Variants in ZC3H12B observed in about 807,000 individuals in gnomAD.
ZC3H12B encodes the protein zinc finger CCCH-type containing 12B.
ZC3H12B carries 7 observed loss-of-function variants against 43.9 expected under a neutral mutation model. That is an observed-to-expected ratio of 0.16 (90% CI 0.09 to 0.30). The LOEUF (loss-of-function observed/expected upper bound fraction) is 0.30. ZC3H12B is among the 10% of genes least tolerant of loss of function. The probability of loss-of-function intolerance (pLI) is 1.00; values close to 1 mark genes in which losing one functional copy is unlikely to be tolerated. For synonymous variants in ZC3H12B, 222 were observed against 241.7 expected, an observed-to-expected ratio of 0.92 and a Z score of 0.76; for missense variants, 475 against 670.2, an observed-to-expected ratio of 0.71 and a Z score of 3.22.
In ZC3H12B at chrX:65,426,139, C is replaced by T. The variant is rs759215376; in HGVS notation, n.407+27435C>T. 4.7e-5 allele frequency among the ~76,000 whole-genome samples: 5 copies of T among 106,066 alleles called. 1 individual carries two copies. The highest frequency in any genetic ancestry group is 1.7e-4 in the African/African-American group (5 of 29,096). 92.1% of individuals were successfully genotyped at this position (106,066 alleles called of 115,157 possible). A position where few individuals can be genotyped will look rare whatever the true frequency, so the allele number is the denominator to read the frequency against. On this transcript the variant is annotated intron_variant and non_coding_transcript_variant, in intron 3 of 5. Coordinates refer to the ZC3H12B transcript ENST00000617377. ...ATTTATTATTGCCTCAATTTCAGAACTCATTATTGGTCTGTTCTGGGATTC... is the reference window on the plus strand; with the variant it reads ...ATTTATTATTGCCTCAATTTCAGAATTCATTATTGGTCTGTTCTGGGATTC...
intron 3 of ZC3H12B, among the ~76,000 whole-genome samples, chrX:65,427,214 C>A (rs911863030): frequency 1.8e-5 from 2 of 111,394 alleles, no homozygotes; most frequent in Non-Finnish European, 3.8e-5. Context: ...TTATGTAATG[C>A]CCTTCTTTGT....
the ZC3H12B span, among the ~76,000 whole-genome samples, chrX:65,258,023 C>T: frequency 1.8e-5 from 2 of 111,414 alleles, no homozygotes; most frequent in East Asian, 5.6e-4. Context: ...GAAACTCCTC[C>T]CTAACTCATT....
chrX:65,168,447 A>G, the ZC3H12B span, among the ~76,000 whole-genome samples: 1 of 110,834 alleles, frequency 9.0e-6, no homozygotes, highest in Non-Finnish European at 1.9e-5. Flanking sequence ...CCAGTATTTT[A>G]TTGAGGAGTT....
At chrX:65,198,272 C>G in the ZC3H12B span, among the ~76,000 whole-genome samples, 1 of 112,231 alleles carries the variant, frequency 8.9e-6, no homozygotes, top group African/African-American at 3.2e-5. Context: ...ATAGTTTACA[C>G]ATTATATTTA....
the ZC3H12B span, among the ~76,000 whole-genome samples, chrX:65,053,560 A>G: frequency 8.9e-6 from 1 of 111,889 alleles, no homozygotes; most frequent in Non-Finnish European, 1.9e-5. Flanking sequence ...TAGTGCCACA[A>G]TAAACATACA....
At chrX:65,185,759 A>C in the ZC3H12B span, 2 of 111,468 alleles carry the variant, frequency 1.8e-5, no homozygotes, top group African/African-American at 6.5e-5. Flanking sequence ...ATAAATAACC[A>C]CACAACAAAG....
At chrX:65,356,477 G>A in the ZC3H12B span, among the ~76,000 whole-genome samples, 2 of 111,584 alleles carry the variant, frequency 1.8e-5, no homozygotes, top group African/African-American at 6.5e-5. Context: ...TTTCTTCACT[G>A]AATACAATGG....
At chrX:65,246,845 G>A in the ZC3H12B span, among the ~76,000 whole-genome samples, 7 of 111,886 alleles carry the variant, frequency 6.3e-5, no homozygotes, top group Admixed American at 9.5e-5. Context: ...CATAGACACC[G>A]GCAAAGATTT....
the ZC3H12B span, among the ~76,000 whole-genome samples, chrX:65,182,980 T>A: frequency 1.8e-5 from 2 of 112,152 alleles, no homozygotes; most frequent in Non-Finnish European, 3.8e-5. Flanking sequence ...GATGGGAGTT[T>A]ACATTAGTTG....
Position 65,368,382 on chromosome X carries a change from A to C in ZC3H12B, n.126-447A>C, listed in dbSNP as rs1346491241. ...AAAAGGTCAAAAAGAGGAAGTAGTC[A>C]TACCTAATCTGTAAATCATAGGATA... is the stretch of plus-strand genomic sequence containing the variant. On this transcript the variant is annotated intron_variant and non_coding_transcript_variant, in intron 1 of 5. Transcript: ENST00000617377. Among the ~76,000 whole-genome samples the C allele has an allele frequency of 5.4e-5, 6 of 111,947 alleles. 1 individual carries two copies. In the Admixed American group the frequency reaches 5.7e-4, roughly 11 times the overall value.
chrX:65,128,854 A>G, the ZC3H12B span, among the ~76,000 whole-genome samples: 1 of 111,639 alleles, frequency 9.0e-6, no homozygotes, highest in Non-Finnish European at 1.9e-5. Flanking sequence ...GCTAATATCA[A>G]CAGAGGCACT....
the ZC3H12B span, among the ~76,000 whole-genome samples, chrX:65,285,242 A>G: frequency 9.1e-6 from 1 of 109,781 alleles, no homozygotes; most frequent in Non-Finnish European, 1.9e-5. Flanking sequence ...CACAGTACCT[A>G]ATGTATAGTA....
chrX:65,452,907 T>C (rs1197541697), intron 3 of ZC3H12B, among the ~76,000 whole-genome samples: 1 of 107,689 alleles, frequency 9.3e-6, no homozygotes, highest in Non-Finnish European at 1.9e-5. Context: ...AAAATCAATA[T>C]TGTAAAAATG....
At chrX:65,145,533 C>A in the ZC3H12B span, among the ~76,000 whole-genome samples, 1 of 111,416 alleles carries the variant, frequency 9.0e-6, no homozygotes, top group African/African-American at 3.3e-5. Context: ...TGTATACCTT[C>A]TTTTTTGTTG....
the ZC3H12B span, among the ~76,000 whole-genome samples, chrX:65,196,358 G>A: frequency 3.6e-5 from 4 of 111,444 alleles, no homozygotes; most frequent in African/African-American, 1.3e-4. Context: ...GGTCAAGTCA[G>A]TGAGTAATCA....
the ZC3H12B span, among the ~76,000 whole-genome samples, chrX:65,215,652 T>TA: frequency 9.0e-6 from 1 of 111,536 alleles, no homozygotes; most frequent in Non-Finnish European, 1.9e-5. Flanking sequence ...TTCAATTTTT[T>TA]ATCATCTGCA....
At chrX:65,305,548 C>T in the ZC3H12B span, among the ~76,000 whole-genome samples, 2 of 111,976 alleles carry the variant, frequency 1.8e-5, no homozygotes, top group Non-Finnish European at 3.8e-5. Context: ...CCCTTCTCTG[C>T]CTGATAAACT....
At chrX:65,337,894 G>A in the ZC3H12B span, among the ~76,000 whole-genome samples, 2 of 112,179 alleles carry the variant, frequency 1.8e-5, no homozygotes, top group Non-Finnish European at 3.8e-5. Context: ...GGGATATTTG[G>A]CATTCAAAAA....
chrX:65,206,898 T>C, the ZC3H12B span, among the ~76,000 whole-genome samples: 1 of 110,112 alleles, frequency 9.1e-6, no homozygotes, highest in Admixed American at 9.8e-5. Context: ...AACAAATACA[T>C]GAAGAAATAC....
Sources: gnomAD v4.1 joint callset for allele counts (sites outside exome capture counted in the v4.1 genomes callset) on GRCh38, gnomAD v4.1.1 for gene constraint, MANE v1.5 for transcripts, NCBI Gene and HGNC (gene_info 2026-07-23, HGNC 2026-07-21) for gene names.